BICC1: variants seen among roughly 807,000 people sequenced by gnomAD.
BICC1 encodes the protein BicC family RNA binding protein 1.
Under a neutral mutation model 111.0 loss-of-function variants are expected in BICC1, and 43 were observed. That is an observed-to-expected ratio of 0.39 (90% confidence interval 0.30 to 0.50). BICC1 has a LOEUF of 0.50. Among genes scored for constraint, BICC1 ranks in the 20% least tolerant of loss-of-function variants. The pLI is 0.88. For synonymous variants in BICC1, 467 were observed against 434.4 expected (o/e 1.07, Z -0.93); for missense variants, 1,091 against 1,203.2 (o/e 0.91, Z 1.38).
At chr10:58,674,809 G>T (rs938850965) in intron 2 of BICC1, among the ~76,000 whole-genome samples, 3 of 152,180 alleles carry the variant, frequency 2.0e-5, no homozygotes, top group Non-Finnish European at 4.4e-5. Context: ...AGGAGGATTG[G>T]GTGAGGATAG....
chr10:58,605,500 TG>T (rs1034306177), intron 1 of BICC1, among the ~76,000 whole-genome samples: 7 of 152,270 alleles, frequency 4.6e-5, no homozygotes, highest in Non-Finnish European at 8.8e-5. Flanking sequence ...ATATTCAGTG[TG>T]TATATTTTAT....
At chr10:58,665,182 G>A (rs1025794634) in intron 2 of BICC1, among the ~76,000 whole-genome samples, 1 of 152,118 alleles carries the variant, frequency 6.6e-6, no homozygotes, top group Non-Finnish European at 1.5e-5. Context: ...GTCAGGTCTT[G>A]TGTGCCGAAG....
At chr10:58,670,218 C>T (rs147499860) in intron 2 of BICC1, among the ~76,000 whole-genome samples, 5 of 152,104 alleles carry the variant, frequency 3.3e-5, no homozygotes, top group Non-Finnish European at 5.9e-5. Context: ...CAAACTAATG[C>T]GCAGAAATAT....
intron 3 of BICC1, among the ~76,000 whole-genome samples, chr10:58,736,836 C>T (rs984799152): frequency 2.6e-5 from 4 of 151,982 alleles, no homozygotes; most frequent in African/African-American, 7.2e-5. Flanking sequence ...CTGAGTAGTG[C>T]TAGGGGAATC....
chr10:58,758,962 T>C (rs967194296), intron 3 of BICC1, among the ~76,000 whole-genome samples: 1 of 150,996 alleles, frequency 6.6e-6, no homozygotes, highest in Admixed American at 6.6e-5. Context: ...TATTTATTTA[T>C]TTATTTATTT....
chr10:58,539,453 G>T (rs1842904336), intron 1 of BICC1, among the ~76,000 whole-genome samples: 1 of 151,368 alleles, frequency 6.6e-6, no homozygotes, highest in Non-Finnish European at 1.5e-5. Context: ...TCAGGTGGTG[G>T]GTGCACTAAA....
At chr10:58,605,461 A>C (rs1409153969) in intron 1 of BICC1, among the ~76,000 whole-genome samples, 2 of 152,180 alleles carry the variant, frequency 1.3e-5, no homozygotes, top group Non-Finnish European at 2.9e-5. Context: ...TTTCCCAATA[A>C]AGTTTAATGA....
At position 58,591,400 on chromosome 10, in the gene BICC1, A is replaced by G. The variant is rs143282097; in HGVS notation, c.191-29455A>G. On this transcript the variant is annotated intron_variant, in intron 1 of 20. Coordinates refer to ENST00000373886, the MANE Select transcript of BICC1 (RefSeq NM_001080512.3). ...TGGTCTATAATGAACAAAAATTCCC[A>G]CTTCTGGAGGCTGGGAAGTCAAAGA... Among the ~76,000 whole-genome samples, 222 of 152,232 alleles carry G rather than the reference A, an allele frequency of 1.5e-3. 1 individual carries two copies. The highest frequency in any genetic ancestry group is 5.2e-3 in the African/African-American group (215 of 41,526).
At chr10:58,716,027 A>C (rs1277020380) in intron 3 of BICC1, 107 of 1,424,022 alleles carry the variant, frequency 7.5e-5, no homozygotes, top group Non-Finnish European at 1.8e-5. Flanking sequence ...GATAGTTTAA[A>C]AAAGAAAAAG....
rs554789279 is a variant in BICC1, at chr10:58,769,248, G to C, written c.308-15753G>C. Among the ~76,000 whole-genome samples the C allele has an allele frequency of 2.6e-4, 39 of 149,870 alleles. No homozygotes were observed. The South Asian group carries it at 8.1e-3, about 31-fold the overall frequency. On this transcript the variant is annotated intron_variant, in intron 3 of 20. Coordinates refer to ENST00000373886, the MANE Select transcript of BICC1 (RefSeq NM_001080512.3). ...TGACTATAGCTCATAATATACCCTT[G>C]AAATTTGCTAACAGGGTAGATTTTA...
chr10:58,619,912 T>G (rs1010234661), intron 1 of BICC1, among the ~76,000 whole-genome samples: 21 of 152,224 alleles, frequency 1.4e-4, no homozygotes, highest in Non-Finnish European at 2.6e-4. Flanking sequence ...ATGGCTGTGC[T>G]GAGGTATTAC....
At position 58,796,322 on chromosome 10, in the gene BICC1, C is replaced by G. The variant is rs750728331; in HGVS notation, c.1180-18C>G. 1.2e-5 allele frequency: 20 copies of G among 1,607,364 alleles called. No individual in the cohort carries two copies. In the South Asian group the frequency reaches 2.2e-4, roughly 18 times the overall value. On this transcript the variant is annotated intron_variant, in intron 9 of 20. Coordinates refer to ENST00000373886, the MANE Select transcript of BICC1 (RefSeq NM_001080512.3). ...TACTTGCATGTCACCTTTTTTCCCC[C>G]ATTATGTGTTTTCATAGTCTGTGAT... is the stretch of plus-strand genomic sequence containing the variant.
chr10:58,702,825 A>G (rs1270807750), intron 3 of BICC1, among the ~76,000 whole-genome samples: 2 of 152,222 alleles, frequency 1.3e-5, no homozygotes, highest in Non-Finnish European at 2.9e-5. Flanking sequence ...CATTAGAAGA[A>G]TGCAGATGCA....
At chr10:58,527,449 G>T (rs906839834) in intron 1 of BICC1, among the ~76,000 whole-genome samples, 4 of 152,080 alleles carry the variant, frequency 2.6e-5, no homozygotes, top group Admixed American at 6.5e-5. Flanking sequence ...GTCAAATTTG[G>T]CTTTTGTTGC....
chr10:58,536,440 T>C (rs1589073278), intron 1 of BICC1, among the ~76,000 whole-genome samples: 1 of 151,744 alleles, frequency 6.6e-6, no homozygotes, highest in Non-Finnish European at 1.5e-5. Flanking sequence ...TATAAATACA[T>C]GGAAGTTAAT....
chr10:58,686,530 A>G (rs984880693), intron 2 of BICC1, among the ~76,000 whole-genome samples: 4 of 152,100 alleles, frequency 2.6e-5, no homozygotes, highest in Admixed American at 1.3e-4. Flanking sequence ...GTCTTTTCAC[A>G]TAGTCCTGTA....
intron 1 of BICC1, among the ~76,000 whole-genome samples, chr10:58,513,666 T>A (rs1046692947): frequency 2.6e-5 from 4 of 152,212 alleles, no homozygotes; most frequent in Non-Finnish European, 4.4e-5. Context: ...GGCTGTGCCA[T>A]CCGGACCACT....
chr10:58,554,615 GA>G (rs576326952), intron 1 of BICC1, among the ~76,000 whole-genome samples: 1 of 151,446 alleles, frequency 6.6e-6, no homozygotes, highest in Admixed American at 6.6e-5. Context: ...GCAAACATCA[GA>G]AAAAAAATGC....
intron 2 of BICC1, among the ~76,000 whole-genome samples, chr10:58,660,224 C>T (rs1838796673): frequency 6.6e-6 from 1 of 152,120 alleles, no homozygotes. Flanking sequence ...ACCTGGAGTA[C>T]TTGGTGCTCA....
Sources: gnomAD v4.1 joint callset for allele counts (sites outside exome capture counted in the v4.1 genomes callset) on GRCh38, gnomAD v4.1.1 for gene constraint, MANE v1.5 for transcripts, NCBI Gene and HGNC (gene_info 2026-07-23, HGNC 2026-07-21) for gene names.